EMSY: variants seen among roughly 807,000 people sequenced by gnomAD.
The protein encoded by EMSY is BRCA2-interacting transcriptional repressor EMSY.
A neutral mutation model predicts 134.6 loss-of-function variants in EMSY; 26 were observed. That is an observed-to-expected ratio of 0.19 (90% CI 0.14 to 0.27). The LOEUF (loss-of-function observed/expected upper bound fraction) is 0.27, where lower values mean the gene tolerates loss of function less well. Ranked by LOEUF, EMSY falls within the 10% of genes least tolerant of loss-of-function variation. EMSY has a pLI of 1.00. For missense variants in EMSY, 1,305 were observed against 1,611.4 expected, an observed-to-expected ratio of 0.81 and a Z score of 3.26; for synonymous variants, 579 against 577.8, an observed-to-expected ratio of 1.00 and a Z score of -0.03.
At position 76,458,270 on chromosome 11, in the gene EMSY, C is replaced by G. The variant is rs770395746; in HGVS notation, c.333C>G (p.Ala111=). ...TGCCCCGGCTCGTTCCCCAAACCGC[C>G]TTTACTGTAACAGCTAATGCTGTTG... Residue 111 remains alanine (A), a synonymous_variant, in exon 5 of 21, where the codon GCC becomes GCG. Coordinates refer to ENST00000334736, the Ensembl canonical transcript of EMSY. 13 of 1,614,108 alleles carry G rather than the reference C, an allele frequency of 8.1e-6. No individual in the cohort carries two copies. The South Asian group carries it at 1.1e-4, about 14-fold the overall frequency.
chr11:76,452,785 G>T (rs1947720869), intron 3 of EMSY, among the ~76,000 whole-genome samples: 1 of 152,096 alleles, frequency 6.6e-6, no homozygotes, highest in African/African-American at 2.4e-5. Context: ...AATAATAAAG[G>T]AATATTACCC....
At chr11:76,527,267 C>T (rs1165231981) in intron 13 of EMSY, among the ~76,000 whole-genome samples, 1 of 151,804 alleles carries the variant, frequency 6.6e-6, no homozygotes, top group Non-Finnish European at 1.5e-5. Flanking sequence ...TATTAATGTA[C>T]CTATAAACTA....
intron 7 of EMSY, among the ~76,000 whole-genome samples, chr11:76,465,387 A>G (rs1044945598): frequency 7.9e-5 from 12 of 152,200 alleles, no homozygotes; most frequent in Non-Finnish European, 1.0e-4. Context: ...TCTCGTCTAT[A>G]AAACAGAGAA....
At chr11:76,547,296 C>T (rs1181119900) in intron 20 of EMSY, among the ~76,000 whole-genome samples, 1 of 152,100 alleles carries the variant, frequency 6.6e-6, no homozygotes, top group African/African-American at 2.4e-5. Context: ...TGCAAATTGA[C>T]AATGTTAAAC....
intron 12 of EMSY, 22 bp from the exon 14 acceptor site, chr11:76,526,440 A>C: frequency 6.3e-7 from 1 of 1,576,496 alleles, no homozygotes. Context: ...AATCTCTTAT[A>C]TAATCATTGA....
At chr11:76,512,586 TTTATA>T (rs1950315093) in intron 9 of EMSY, among the ~76,000 whole-genome samples, 1 of 152,046 alleles carries the variant, frequency 6.6e-6, no homozygotes, top group Admixed American at 6.6e-5. Context: ...AAAGAGCATG[TTTATA>T]TAAAATTAAA....
chr11:76,537,914 G>T (rs753238435), exon 16 of EMSY: 2 of 1,613,768 alleles, frequency 1.2e-6, no homozygotes, highest in South Asian at 1.1e-5. Flanking sequence ...AATTGCTGTG[G>T]TAGAGTCAGA....
chr11:76,523,719 T>TTTTTTTTTTTC, intron 12 of EMSY, among the ~76,000 whole-genome samples: 1 of 147,872 alleles, frequency 6.8e-6, no homozygotes, highest in African/African-American at 2.5e-5. Flanking sequence ...TTTTTTTTTT[T>TTTTTTTTTTTC]TTTTTTCATT....
chr11:76,519,357 A>G (rs2513506), intron 11 of EMSY, among the ~76,000 whole-genome samples: 149,069 of 152,290 alleles, frequency 0.98, 72,965 homozygotes, highest in East Asian at 1. Flanking sequence ...CAGTTACTGC[A>G]CCTGGCCAAT....
chr11:76,515,354 A>T lies in EMSY; in HGVS notation c.1514-788A>T, dbSNP rs186200499. Reference sequence around the variant, plus strand: ...AAGGCTATTGATGCTTAATTTAGGAATAGCCTTTCTGAGTTACTGGATTTG... The same window carrying T: ...AAGGCTATTGATGCTTAATTTAGGATTAGCCTTTCTGAGTTACTGGATTTG... On this transcript the variant is annotated intron_variant, in intron 10 of 20. Coordinates refer to ENST00000334736, the Ensembl canonical transcript of EMSY. Among the ~76,000 whole-genome samples the T allele has an allele frequency of 2.2e-3, 334 of 152,202 alleles. 1 individual carries two copies. Among genetic ancestry groups the T allele is most frequent in the African/African-American group, 7.6e-3 (315 of 41,538 alleles).
intron 7 of EMSY, among the ~76,000 whole-genome samples, chr11:76,464,832 C>T (rs781330153): frequency 6.6e-6 from 1 of 152,112 alleles, no homozygotes; most frequent in East Asian, 1.9e-4. Context: ...CTTTATTCTA[C>T]CTTCCCACTT....
intron 8 of EMSY, among the ~76,000 whole-genome samples, chr11:76,484,940 A>G (rs1312766492): frequency 6.6e-6 from 1 of 152,056 alleles, no homozygotes; most frequent in African/African-American, 2.4e-5. Context: ...AAAAAAAAAA[A>G]AAACCTAGAA....
In EMSY at chr11:76,478,861, G is replaced by T. The variant is rs369986872; in HGVS notation, c.1108+6021G>T. On this transcript the variant is annotated intron_variant, in intron 8 of 20. Coordinates refer to ENST00000334736, the Ensembl canonical transcript of EMSY. Reference sequence around the variant, plus strand: ...TTATTCCCTTATTGTTGGGTATCCAGTGTGTTTCCAGGGTTTGATATTCTA... The same window carrying T: ...TTATTCCCTTATTGTTGGGTATCCATTGTGTTTCCAGGGTTTGATATTCTA... 2.0e-5 allele frequency among the ~76,000 whole-genome samples: 3 copies of T among 151,302 alleles called. No individual in the cohort carries two copies. In the East Asian group the frequency reaches 5.8e-4, roughly 29 times the overall value.
intron 1 of EMSY, among the ~76,000 whole-genome samples, 189 bp from the exon 2 acceptor site, chr11:76,446,711 A>C (rs1313389478): frequency 6.6e-6 from 1 of 152,220 alleles, no homozygotes; most frequent in Non-Finnish European, 1.5e-5. Flanking sequence ...TGTTCTTTCC[A>C]CTGTGATAGT....
At chr11:76,526,199 G>A (rs1210464973) in intron 12 of EMSY, among the ~76,000 whole-genome samples, 1 of 152,058 alleles carries the variant, frequency 6.6e-6, no homozygotes, top group Non-Finnish European at 1.5e-5. Context: ...AGTGTAATAA[G>A]TATTTTTGCA....
At chr11:76,487,163 C>G (rs1949221967) in intron 8 of EMSY, among the ~76,000 whole-genome samples, 1 of 152,068 alleles carries the variant, frequency 6.6e-6, no homozygotes, top group East Asian at 1.9e-4. Flanking sequence ...GCCTGTAGTC[C>G]CAGCTACTCA....
At chr11:76,522,352 CTTTTTTTT>C (rs71040003) in intron 11 of EMSY, among the ~76,000 whole-genome samples, 69 of 44,242 alleles carry the variant, frequency 1.6e-3, no homozygotes, top group African/African-American at 2.0e-3. Context: ...GTTTACTTTG[CTTTTTTTT>C]TTTTTTTTTT....
intron 1 of EMSY, among the ~76,000 whole-genome samples, chr11:76,445,825 C>T (rs567459696): frequency 1.2e-4 from 18 of 152,228 alleles, no homozygotes; most frequent in African/African-American, 4.1e-4. Flanking sequence ...TGGCTCTGCC[C>T]CTTCTTCCTC....
chr11:76,460,186 G>A (rs2135071706), intron 6 of EMSY, 101 bp downstream of exon 7: 11 of 1,335,236 alleles, frequency 8.2e-6, no homozygotes, highest in Middle Eastern at 1.9e-4. Context: ...TGGTCCACTA[G>A]CTGTTAGTAG....
Sources: gnomAD v4.1 joint callset for allele counts (sites outside exome capture counted in the v4.1 genomes callset) on GRCh38, gnomAD v4.1.1 for gene constraint, MANE v1.5 for transcripts, NCBI Gene and HGNC (gene_info 2026-07-23, HGNC 2026-07-21) for gene names.